Variants in RBFOX1 observed in about 807,000 individuals in gnomAD.
The protein encoded by RBFOX1 is RNA binding protein fox-1 homolog 1.
A neutral mutation model predicts 57.7 loss-of-function variants in RBFOX1; 8 were observed. That is an observed-to-expected ratio of 0.14 (90% CI 0.08 to 0.25). The LOEUF is 0.25. RBFOX1 is among the 10% of genes least tolerant of loss of function. The pLI, the probability that RBFOX1 is intolerant of heterozygous loss-of-function variation, is 1.00. For missense variants in RBFOX1, 611 were observed against 548.5 expected, an observed-to-expected ratio of 1.11 and a Z score of -1.14; for synonymous variants, 326 against 222.4, an observed-to-expected ratio of 1.47 and a Z score of -4.15.
intron 2 of RBFOX1, among the ~76,000 whole-genome samples, chr16:6,523,050 C>T (rs559994278): frequency 2.0e-4 from 31 of 152,316 alleles, no homozygotes; most frequent in African/African-American, 7.0e-4. Context: ...GAGTCACTAG[C>T]ATTTAATACG....
Position 5,345,165 on chromosome 16 carries a change from G to A in RBFOX1, c.219+105060G>A, listed in dbSNP as rs146300576. Among the ~76,000 whole-genome samples the A allele has an allele frequency of 1.6e-4, 24 of 152,198 alleles. No individual in the cohort carries two copies. In the East Asian group the frequency reaches 4.3e-3, roughly 27 times the overall value. On this transcript the variant is annotated intron_variant, in intron 1 of 2. Coordinates refer to the RBFOX1 transcript ENST00000585867. ...GAACTGCTTGTCCTTGAAGCGAGAG[G>A]CAGGGCTGTGCTCTGTTCTGGGTGG...
At chr16:7,093,300 G>A (rs2061166102) in intron 4 of RBFOX1, among the ~76,000 whole-genome samples, 3 of 152,294 alleles carry the variant, frequency 2.0e-5, no homozygotes, top group Middle Eastern at 6.8e-3. Context: ...TGACTGTGAT[G>A]TATACTGAGC....
rs559889095 is a variant in RBFOX1 at position 7,557,748 on chromosome 16, C to G, written c.271-22029C>G. Among the ~76,000 whole-genome samples the G allele has an allele frequency of 2.0e-5, 3 of 149,880 alleles. No individual in the cohort carries two copies. In the East Asian group the frequency reaches 5.9e-4, roughly 30 times the overall value. ...ACAAACACATATTGCTGGCTGTAAT[C>G]AGTGAAGTGCTAGTAAATGCTTAAC... is the stretch of plus-strand genomic sequence containing the variant. On this transcript the variant is annotated intron_variant, in intron 5 of 15. Coordinates refer to ENST00000550418, the MANE Select transcript of RBFOX1 (RefSeq NM_018723.4).
intron 1 of RBFOX1, among the ~76,000 whole-genome samples, chr16:6,073,005 ATTC>A (rs1166244124): frequency 1.3e-5 from 2 of 152,220 alleles, no homozygotes; most frequent in Non-Finnish European, 2.9e-5. Flanking sequence ...AATCTATAAT[ATTC>A]TTATGTGAAA....
At chr16:7,144,577 A>G (rs76115393) in intron 4 of RBFOX1, among the ~76,000 whole-genome samples, 6,698 of 151,860 alleles carry the variant, frequency 0.044, 506 homozygotes, top group African/African-American at 0.15. Context: ...TGCATGAGCT[A>G]CTGCGCCTGA....
At chr16:7,039,914 T>C (rs541250166) in intron 3 of RBFOX1, among the ~76,000 whole-genome samples, 82 of 148,862 alleles carry the variant, frequency 5.5e-4, no homozygotes, top group South Asian at 4.1e-3. Context: ...CACACAAAAA[T>C]ACTTATGTCC....
At chr16:6,435,491 G>A (rs1340939897) in intron 2 of RBFOX1, among the ~76,000 whole-genome samples, 2 of 151,996 alleles carry the variant, frequency 1.3e-5, no homozygotes, top group Admixed American at 6.6e-5. Context: ...TTCATTAGAG[G>A]TGGGGTTTCC....
At chr16:5,372,620 T>G (rs2065887395) in intron 1 of RBFOX1, among the ~76,000 whole-genome samples, 1 of 152,144 alleles carries the variant, frequency 6.6e-6, no homozygotes, top group Non-Finnish European at 1.5e-5. Flanking sequence ...GGCTCAGGTC[T>G]CTCTACTATC....
chr16:7,710,045 G>A lies in RBFOX1; in HGVS notation c.1072-578G>A, dbSNP rs564799911. The A allele has an allele frequency of 1.4e-5, 14 of 1,002,586 alleles. No individual in the cohort carries two copies. The South Asian group carries it at 4.0e-4, about 29-fold the overall frequency. 62.1% of individuals were successfully genotyped at this position (1,002,586 alleles called of 1,614,324 possible). ...TAAAACCATGGCCGGACAGTTCACT[G>A]AAGCTCAGTCATAGAAATTCAGCCA... On this transcript the variant is annotated intron_variant, in intron 15 of 15. Transcript: ENST00000550418.
chr16:7,539,516 C>G (rs2082348508), intron 5 of RBFOX1, among the ~76,000 whole-genome samples: 1 of 152,196 alleles, frequency 6.6e-6, no homozygotes, highest in Admixed American at 6.5e-5. Flanking sequence ...TGTCCATGAT[C>G]TGAAGCAACA....
chr16:6,027,870 C>T (rs953935225), intron 1 of RBFOX1, among the ~76,000 whole-genome samples: 11 of 152,134 alleles, frequency 7.2e-5, no homozygotes, highest in Non-Finnish European at 1.2e-4. Flanking sequence ...CGGTTGAGAT[C>T]GTTGACAGAC....
At chr16:5,445,303 C>A (rs1452375872) in intron 1 of RBFOX1, among the ~76,000 whole-genome samples, 1 of 152,078 alleles carries the variant, frequency 6.6e-6, no homozygotes, top group Non-Finnish European at 1.5e-5. Flanking sequence ...CTGACTTTTC[C>A]TCCTCACTCT....
At chr16:7,512,054 A>T (rs972619923) in intron 4 of RBFOX1, among the ~76,000 whole-genome samples, 1 of 151,934 alleles carries the variant, frequency 6.6e-6, no homozygotes, top group Non-Finnish European at 1.5e-5. Context: ...ACCCACAAGC[A>T]CCCTGACTCT....
At chr16:5,911,768 A>C (rs1208634748) in intron 4 of RBFOX1, among the ~76,000 whole-genome samples, 1 of 152,156 alleles carries the variant, frequency 6.6e-6, no homozygotes, top group African/African-American at 2.4e-5. Flanking sequence ...GTGCCTTTGC[A>C]CCATGTCTGC....
chr16:7,631,488 G>A (rs751710580), intron 11 of RBFOX1, among the ~76,000 whole-genome samples: 3 of 152,140 alleles, frequency 2.0e-5, no homozygotes, highest in Non-Finnish European at 4.4e-5. Flanking sequence ...TCTCCCAGAG[G>A]GTATACCCCT....
At chr16:7,677,913 G>A (rs558248377) in intron 14 of RBFOX1, among the ~76,000 whole-genome samples, 3 of 152,224 alleles carry the variant, frequency 2.0e-5, no homozygotes, top group South Asian at 2.1e-4. Context: ...TTCCTACCTC[G>A]GTTTGCTGTG....
intron 3 of RBFOX1, among the ~76,000 whole-genome samples, chr16:5,679,968 A>G (rs2050281057): frequency 6.6e-6 from 1 of 152,200 alleles, no homozygotes; most frequent in African/African-American, 2.4e-5. Context: ...GGAAACATAT[A>G]TTGTTTTAAG....
At chr16:6,995,338 TG>T (rs2092098918) in intron 3 of RBFOX1, among the ~76,000 whole-genome samples, 1 of 135,344 alleles carries the variant, frequency 7.4e-6, no homozygotes, top group African/African-American at 2.7e-5. Context: ...GTGTTAGAAG[TG>T]GTGATCCTGC....
intron 3 of RBFOX1, among the ~76,000 whole-genome samples, chr16:6,674,312 T>C (rs957256947): frequency 2.0e-4 from 30 of 152,066 alleles, no homozygotes; most frequent in Admixed American, 1.8e-3. Context: ...GGGTTCTTTA[T>C]TTTTATTTTT....
Sources: gnomAD v4.1 joint callset for allele counts (sites outside exome capture counted in the v4.1 genomes callset) on GRCh38, gnomAD v4.1.1 for gene constraint, MANE v1.5 for transcripts, NCBI Gene and HGNC (gene_info 2026-07-23, HGNC 2026-07-21) for gene names.